The following PRKCA variants were observed in gnomAD, a reference collection of about 807,000 sequenced individuals.
PRKCA encodes protein kinase C alpha.
PRKCA carries 27 observed loss-of-function variants against 87.0 expected under a neutral mutation model. That is an observed-to-expected ratio of 0.31 (90% CI 0.23 to 0.43). PRKCA has a LOEUF of 0.43. Ranked by LOEUF, PRKCA falls within the 20% of genes least tolerant of loss-of-function variation. The pLI, the probability that PRKCA is intolerant of heterozygous loss-of-function variation, is 1.00. For synonymous variants in PRKCA, 329 were observed against 311.1 expected (o/e 1.06, Z -0.61); for missense variants, 518 against 852.3 (o/e 0.61, Z 4.88).
At position 66,776,554 on chromosome 17, in the gene PRKCA, C is replaced by T. The variant is rs546590866; in HGVS notation, c.1605+2487C>T. ...TGAGCTCCTGACCTCGTGATCCACC[C>T]GCCTCAGCCTCCCAAAGTGCTGGGA... On this transcript the variant is annotated intron_variant, in intron 14 of 16. Transcript: ENST00000413366. Among the ~76,000 whole-genome samples, 408 of 152,164 alleles carry T rather than the reference C, an allele frequency of 2.7e-3. 4 individuals carry two copies. The highest frequency in any genetic ancestry group is 9.6e-3 in the African/African-American group (397 of 41,536).
chr17:66,589,042 T>C (rs1386484277), intron 3 of PRKCA, among the ~76,000 whole-genome samples: 1 of 152,186 alleles, frequency 6.6e-6, no homozygotes, highest in Non-Finnish European at 1.5e-5. Context: ...TGCTGATACC[T>C]TAGGTAATGA....
intron 3 of PRKCA, among the ~76,000 whole-genome samples, chr17:66,563,951 T>TTCCTTCC (rs1968793590): frequency 2.9e-5 from 4 of 136,584 alleles, no homozygotes; most frequent in African/African-American, 1.1e-4. Flanking sequence ...TTGTTTCTTC[T>TTCCTTCC]TTCCTTCCTT....
At chr17:66,420,002 C>CTTTT (rs558522698) in intron 2 of PRKCA, among the ~76,000 whole-genome samples, 3 of 113,714 alleles carry the variant, frequency 2.6e-5, no homozygotes, top group East Asian at 2.5e-4. Context: ...GGGTTGTGTT[C>CTTTT]TTTTTTTTTT....
At chr17:66,470,253 G>A (rs1231732459) in intron 2 of PRKCA, among the ~76,000 whole-genome samples, 1 of 143,680 alleles carries the variant, frequency 7.0e-6, no homozygotes, top group Admixed American at 7.1e-5. Flanking sequence ...CTGGAGTCAA[G>A]TGGCACAATC....
intron 2 of PRKCA, among the ~76,000 whole-genome samples, chr17:66,484,545 C>T (rs1170047940): frequency 1.3e-5 from 2 of 152,156 alleles, no homozygotes; most frequent in East Asian, 3.8e-4. Flanking sequence ...CTGACCAGCT[C>T]TTTGTCCATA....
intron 5 of PRKCA, among the ~76,000 whole-genome samples, chr17:66,664,280 C>T (rs1210091374): frequency 2.6e-5 from 4 of 152,180 alleles, no homozygotes; most frequent in South Asian, 2.1e-4. Flanking sequence ...GCCCACTCAG[C>T]GAAGCCCAAG....
intron 3 of PRKCA, among the ~76,000 whole-genome samples, chr17:66,631,198 G>C (rs1391549616): frequency 3.9e-5 from 6 of 152,176 alleles, no homozygotes; most frequent in Non-Finnish European, 7.3e-5. Flanking sequence ...GTATAATCTA[G>C]TCTCTTCATT....
intron 13 of PRKCA, among the ~76,000 whole-genome samples, chr17:66,746,535 G>A (rs994653963): frequency 3.9e-5 from 6 of 152,212 alleles, no homozygotes; most frequent in African/African-American, 1.4e-4. Flanking sequence ...GTCAGGCAGA[G>A]ACAAAATCAT....
At chr17:66,384,728 A>T (rs866148554) in intron 2 of PRKCA, among the ~76,000 whole-genome samples, 1 of 151,778 alleles carries the variant, frequency 6.6e-6, no homozygotes, top group Non-Finnish European at 1.5e-5. Flanking sequence ...TCCCGTGTTT[A>T]TGCCATTCTC....
At chr17:66,735,392 C>T in intron 9 of PRKCA, 97 bp from the exon 10 acceptor site, 2 of 1,290,322 alleles carry the variant, frequency 1.5e-6, no homozygotes, top group South Asian at 1.2e-5. Flanking sequence ...CAAAGGTGCA[C>T]AAACTGTCAC....
intron 3 of PRKCA, among the ~76,000 whole-genome samples, chr17:66,587,623 T>C (rs912349304): frequency 2.0e-5 from 3 of 150,438 alleles, no homozygotes; most frequent in Non-Finnish European, 4.4e-5. Context: ...ATTAGATAGA[T>C]ATAGATATAT....
intron 13 of PRKCA, among the ~76,000 whole-genome samples, chr17:66,753,602 C>T (rs1387302209): frequency 2.6e-5 from 4 of 152,138 alleles, no homozygotes; most frequent in Non-Finnish European, 4.4e-5. Flanking sequence ...ATTGCATCCC[C>T]ACGCCCCCAC....
chr17:66,428,506 C>CT (rs879722559), intron 2 of PRKCA, among the ~76,000 whole-genome samples: 377 of 140,176 alleles, frequency 2.7e-3, no homozygotes, highest in Middle Eastern at 0.012. Flanking sequence ...ATTTTTCTTT[C>CT]TTTTTTTTTT....
chr17:66,626,897 C>T (rs976196798), intron 3 of PRKCA, among the ~76,000 whole-genome samples: 1 of 152,164 alleles, frequency 6.6e-6, no homozygotes, highest in Non-Finnish European at 1.5e-5. Context: ...CAGTATTTCT[C>T]TAGTCTCAAA....
chr17:66,688,416 G>T lies in PRKCA; in HGVS notation c.801G>T (p.Met267Ile). The T allele has an allele frequency of 6.2e-7, 1 of 1,614,182 alleles. No homozygotes were observed. Among genetic ancestry groups the T allele is most frequent in the Non-Finnish European group, 8.5e-7 (1 of 1,180,024 alleles). ...GSLSFGVSEL[M>I]KMPASGWYKL... ...TTTCCTTTGGAGTTTCGGAGCTGAT[G>T]AAGATGCCGGCCAGTGGATGGTATG... The change falls in exon 7 of 17, where the codon ATG becomes ATT. Residue 267 changes from methionine to isoleucine, a missense_variant. Coordinates refer to ENST00000413366, the MANE Select transcript of PRKCA (RefSeq NM_002737.3).
chr17:66,776,544 G>A (rs1241920639), intron 14 of PRKCA, among the ~76,000 whole-genome samples: 1 of 152,084 alleles, frequency 6.6e-6, no homozygotes, highest in African/African-American at 2.4e-5. Context: ...TCCTGACCTC[G>A]TGATCCACCC....
At chr17:66,316,707 A>G (rs1905334734) in intron 2 of PRKCA, among the ~76,000 whole-genome samples, 1 of 152,142 alleles carries the variant, frequency 6.6e-6, no homozygotes, top group Admixed American at 6.5e-5. Context: ...GAAGCTGGCA[A>G]TAGTGATTAT....
intron 2 of PRKCA, among the ~76,000 whole-genome samples, chr17:66,424,159 T>C (rs1912651357): frequency 6.6e-6 from 1 of 152,202 alleles, no homozygotes; most frequent in Non-Finnish European, 1.5e-5. Context: ...ACTTCACGTT[T>C]TGAATATCTT....
rs144792340 is a variant in PRKCA, at chr17:66,503,191, G to T, written c.288+6908G>T. On this transcript the variant is annotated intron_variant, in intron 3 of 16. Coordinates refer to ENST00000413366, the MANE Select transcript of PRKCA (RefSeq NM_002737.3). ...GGTAGTAAGCTTTCCTCGCGTTTTT[G>T]TTGAGCCATTATGTTTTTATTTGCC... is the stretch of plus-strand genomic sequence containing the variant. 6.5e-3 allele frequency among the ~76,000 whole-genome samples: 985 copies of T among 152,220 alleles called. 9 individuals carry two copies. The highest frequency in any genetic ancestry group is 0.022 in the African/African-American group (922 of 41,538).
Sources: gnomAD v4.1 joint callset for allele counts (sites outside exome capture counted in the v4.1 genomes callset) on GRCh38, gnomAD v4.1.1 for gene constraint, MANE v1.5 for transcripts, NCBI Gene and HGNC (gene_info 2026-07-23, HGNC 2026-07-21) for gene names.